The following DLGAP1 variants were observed in gnomAD, a reference collection of about 807,000 sequenced individuals.
DLGAP1 encodes disks large-associated protein 1.
Under a neutral mutation model 90.8 loss-of-function variants are expected in DLGAP1, and 11 were observed. That is an observed-to-expected ratio of 0.12 (90% CI 0.08 to 0.20). The LOEUF is 0.20. Among genes scored for constraint, DLGAP1 ranks in the 10% least tolerant of loss-of-function variants. DLGAP1 has a pLI of 1.00. For missense variants in DLGAP1, 1,050 were observed against 1,333.8 expected (o/e 0.79, Z 3.31); for synonymous variants, 558 against 540.7 (o/e 1.03, Z -0.44).
At chr18:4,067,174 T>TG (rs149739585) in intron 2 of DLGAP1, among the ~76,000 whole-genome samples, 3,580 of 151,994 alleles carry the variant, frequency 0.024, 86 homozygotes, top group East Asian at 0.076. Flanking sequence ...GGGCCTTACC[T>TG]GAAGGTGGAG....
intron 1 of DLGAP1, among the ~76,000 whole-genome samples, chr18:4,344,699 A>G (rs1392609678): frequency 6.6e-6 from 1 of 152,176 alleles, no homozygotes; most frequent in Non-Finnish European, 1.5e-5. Context: ...AATTTTCCCA[A>G]CTACCCCAAG....
At chr18:3,968,643 T>C (rs2073379646) in intron 3 of DLGAP1, among the ~76,000 whole-genome samples, 1 of 152,210 alleles carries the variant, frequency 6.6e-6, no homozygotes, top group Non-Finnish European at 1.5e-5. Flanking sequence ...CACAGTAATA[T>C]TTGGAGGCTG....
chr18:3,597,005 G>C (rs11661062), intron 7 of DLGAP1: 12,883 of 519,986 alleles, frequency 0.025, 310 homozygotes, highest in South Asian at 0.066. Flanking sequence ...ACAGGCTCTC[G>C]GCAAAGGACC....
At chr18:4,373,007 C>T (rs1400886790) in intron 1 of DLGAP1, among the ~76,000 whole-genome samples, 2 of 152,072 alleles carry the variant, frequency 1.3e-5, no homozygotes, top group Admixed American at 6.6e-5. Context: ...ATGCACATAA[C>T]TGTGTACAGC....
intron 7 of DLGAP1, among the ~76,000 whole-genome samples, chr18:3,691,467 T>C (rs532384784): frequency 1.3e-5 from 2 of 151,226 alleles, no homozygotes; most frequent in Admixed American, 1.3e-4. Context: ...TAAATGAACA[T>C]GTGTATGACT....
intron 1 of DLGAP1, among the ~76,000 whole-genome samples, chr18:4,390,766 C>T (rs528636557): frequency 1.5e-4 from 23 of 152,306 alleles, no homozygotes; most frequent in African/African-American, 5.1e-4. Context: ...TCTTGGTTGC[C>T]TCCCAGTTTT....
intron 7 of DLGAP1, among the ~76,000 whole-genome samples, chr18:3,627,652 C>T (rs962879373): frequency 3.1e-4 from 47 of 151,792 alleles, no homozygotes; most frequent in Non-Finnish European, 6.6e-4. Context: ...TGGGGCATTC[C>T]TTCTTTCTCT....
At chr18:4,076,021 G>A (rs747008022) in intron 2 of DLGAP1, among the ~76,000 whole-genome samples, 4 of 151,900 alleles carry the variant, frequency 2.6e-5, no homozygotes, top group Non-Finnish European at 4.4e-5. Context: ...TCCCTTTCTC[G>A]CTCTCTGTCT....
chr18:3,513,097 T>C (rs1328339985), intron 10 of DLGAP1, among the ~76,000 whole-genome samples: 3 of 152,198 alleles, frequency 2.0e-5, no homozygotes, highest in Non-Finnish European at 4.4e-5. Context: ...TATTTTAAGA[T>C]ACATCATATA....
intron 6 of DLGAP1, among the ~76,000 whole-genome samples, chr18:3,734,650 C>A (rs938926514): frequency 6.6e-5 from 10 of 152,198 alleles, no homozygotes; most frequent in African/African-American, 2.4e-4. Context: ...TTACATCCTA[C>A]AAATGTGAAT....
At chr18:3,644,664 C>T (rs891066251) in intron 7 of DLGAP1, among the ~76,000 whole-genome samples, 2 of 152,162 alleles carry the variant, frequency 1.3e-5, no homozygotes, top group South Asian at 2.1e-4. Context: ...CCACCCGCCT[C>T]GGCCTCCCAA....
intron 5 of DLGAP1, among the ~76,000 whole-genome samples, chr18:3,770,521 G>A (rs1568103557): frequency 6.6e-6 from 1 of 152,180 alleles, no homozygotes; most frequent in Non-Finnish European, 1.5e-5. Context: ...ATGAAACACA[G>A]ATGAATGCCC....
chr18:3,948,929 T>G (rs2072927821), intron 3 of DLGAP1, among the ~76,000 whole-genome samples: 1 of 151,802 alleles, frequency 6.6e-6, no homozygotes, highest in Non-Finnish European at 1.5e-5. Flanking sequence ...AATAAAAAAT[T>G]TTAAAAAAAT....
At chr18:3,829,054 T>C (rs1598910115) in intron 4 of DLGAP1, among the ~76,000 whole-genome samples, 1 of 152,354 alleles carries the variant, frequency 6.6e-6, no homozygotes, top group East Asian at 1.9e-4. Context: ...CATGTAATTC[T>C]TACTTAGGTA....
intron 3 of DLGAP1, among the ~76,000 whole-genome samples, chr18:3,897,934 A>G (rs1016252021): frequency 5.3e-5 from 8 of 151,550 alleles, no homozygotes; most frequent in East Asian, 1.9e-4. Flanking sequence ...AGCTGGGACT[A>G]CAGGCGCCCG....
chr18:3,916,791 T>C (rs2072154573), intron 3 of DLGAP1, among the ~76,000 whole-genome samples: 1 of 152,044 alleles, frequency 6.6e-6, no homozygotes, highest in Admixed American at 6.6e-5. Flanking sequence ...GAGCTGATCG[T>C]TGTAGCAGGG....
chr18:4,349,610 A>T (rs1358456210), intron 1 of DLGAP1, among the ~76,000 whole-genome samples: 1 of 152,204 alleles, frequency 6.6e-6, no homozygotes, highest in African/African-American at 2.4e-5. Flanking sequence ...AAGCAGATCA[A>T]ACTGTTGTTA....
chr18:4,076,954 T>TATATGTTAAG (rs1219813223), intron 2 of DLGAP1, among the ~76,000 whole-genome samples: 1 of 151,724 alleles, frequency 6.6e-6, no homozygotes, highest in Non-Finnish European at 1.5e-5. Context: ...CATTTGTTAT[T>TATATGTTAAG]ATATGTTAAG....
chr18:4,417,150 C>A (rs1343456758), intron 1 of DLGAP1, among the ~76,000 whole-genome samples: 1 of 152,080 alleles, frequency 6.6e-6, no homozygotes, highest in Non-Finnish European at 1.5e-5. Context: ...GTGGGATTTT[C>A]CAGAGGTTTT....
Sources: gnomAD v4.1 joint callset for allele counts (sites outside exome capture counted in the v4.1 genomes callset) on GRCh38, gnomAD v4.1.1 for gene constraint, MANE v1.5 for transcripts, NCBI Gene and HGNC (gene_info 2026-07-23, HGNC 2026-07-21) for gene names.